SLC18A2: variants seen among roughly 807,000 people sequenced by gnomAD.
SLC18A2 encodes the protein solute carrier family 18 member A2, also known as synaptic vesicular amine transporter.
Under a neutral mutation model 59.2 loss-of-function variants are expected in SLC18A2, and 33 were observed. The observed-to-expected ratio is 0.56, with a 90% confidence interval of 0.42 to 0.75. The LOEUF is 0.75. Among genes scored for constraint, SLC18A2 ranks in the 30% least tolerant of loss-of-function variants. The pLI is 0.00. For missense variants in SLC18A2, 569 were observed against 668.6 expected (o/e 0.85, Z 1.64); for synonymous variants, 228 against 253.5 (o/e 0.90, Z 0.95).
rs1159509473 is a variant in SLC18A2, at chr10:117,241,750, G to T, written c.57G>T (p.Arg19=). 4.3e-6 allele frequency: 7 copies of T among 1,610,850 alleles called. No homozygotes were observed. The highest frequency in any genetic ancestry group is 1.7e-4 in the Middle Eastern group (1 of 5,790). ...GGCTGCAGGAGAGCCGCCGCTCGCG[G>T]AAGCTCATCCTGTTCATCGTGTTCC... ...VRWLQESRRS[R]KLILFIVFLA... is the part of the protein sequence containing the mutation. The change falls in exon 2 of 16, where the codon CGG becomes CGT. Residue 19 remains arginine, a synonymous_variant. Coordinates refer to ENST00000644641, the MANE Select transcript of SLC18A2 (RefSeq NM_003054.6).
At chr10:117,267,100 G>A in intron 12 of SLC18A2, 65 bp downstream of exon 12, 1 of 1,190,954 alleles carries the variant, frequency 8.4e-7, no homozygotes, top group Non-Finnish European at 1.2e-6. Context: ...CTTTGGGCAA[G>A]AATCACCAAG....
intron 10 of SLC18A2, 112 bp from the exon 11 acceptor site, chr10:117,266,621 C>G: frequency 1.2e-6 from 1 of 832,230 alleles, no homozygotes; most frequent in Non-Finnish European, 1.9e-6. Context: ...GTGTGGGCCC[C>G]GGGGCTTCGT....
chr10:117,258,839 T>C (rs1844259401), intron 10 of SLC18A2, among the ~76,000 whole-genome samples: 1 of 147,866 alleles, frequency 6.8e-6, no homozygotes, highest in Non-Finnish European at 1.5e-5. Flanking sequence ...CGATCTCCAC[T>C]CACTGCAACC....
chr10:117,274,548 G>A (rs892872081), intron 15 of SLC18A2, among the ~76,000 whole-genome samples: 1 of 152,188 alleles, frequency 6.6e-6, no homozygotes, highest in South Asian at 2.1e-4. Context: ...AGCCGTGCAA[G>A]GATCGAGGCC....
chr10:117,253,921 C>T, intron 4 of SLC18A2, 127 bp from the exon 5 acceptor site: 1 of 820,518 alleles, frequency 1.2e-6, no homozygotes, highest in Non-Finnish European at 2.0e-6. Context: ...TTTTACGGAA[C>T]AAAAGCACAG....
chr10:117,260,311 C>A (rs1439303275), intron 10 of SLC18A2, among the ~76,000 whole-genome samples: 1 of 152,224 alleles, frequency 6.6e-6, no homozygotes, highest in Non-Finnish European at 1.5e-5. Context: ...TGCTTTCAGC[C>A]CCACCTTCAC....
At chr10:117,267,574 G>A (rs753603075) in intron 12 of SLC18A2, 99 bp from the exon 13 acceptor site, 14 of 820,282 alleles carry the variant, frequency 1.7e-5, no homozygotes, top group Non-Finnish European at 2.7e-5. Context: ...AAGGGAACAG[G>A]CATACCACGC....
Position 117,244,248 on chromosome 10 carries a change from GTTGTTTGCC to G in SLC18A2, c.401_409del (p.Leu134_Ala136del), listed in dbSNP as rs1185202399. ...TGAATGAAAACGTGCAAGTTGGTCT[GTTGTTTGCC>G]TCGAAAGCCACCGTCCAGCTCATCA... On this transcript the variant is annotated inframe_deletion, in exon 3 of 16. Transcript: ENST00000644641. 4 of 1,614,112 alleles carry G rather than the reference GTTGTTTGCC, an allele frequency of 2.5e-6. No individual in the cohort carries two copies. The highest frequency in any genetic ancestry group is 3.4e-6 in the Non-Finnish European group (4 of 1,180,042).
chr10:117,243,806 G>A (rs1366943685), intron 2 of SLC18A2, among the ~76,000 whole-genome samples, 165 bp from the exon 3 acceptor site: 1 of 152,070 alleles, frequency 6.6e-6, no homozygotes, highest in Non-Finnish European at 1.5e-5. Context: ...GCCTGGTCTC[G>A]AACTCCTGAC....
chr10:117,260,229 T>G (rs946032930), intron 10 of SLC18A2, among the ~76,000 whole-genome samples: 1 of 152,294 alleles, frequency 6.6e-6, no homozygotes, highest in African/African-American at 2.4e-5. Context: ...CCTGCCAGGG[T>G]GAAGGCTGGA....
intron 15 of SLC18A2, among the ~76,000 whole-genome samples, chr10:117,276,098 G>C (rs1461450996): frequency 1.3e-5 from 2 of 150,500 alleles, no homozygotes; most frequent in Non-Finnish European, 3.0e-5. Flanking sequence ...TGAGCAACCT[G>C]GGCAATGTAG....
chr10:117,244,240 G>T lies in SLC18A2; in HGVS notation c.391G>T (p.Val131Phe), dbSNP rs201536110. ...DKDLLNENVQ[V>F]GLLFASKATV... is the part of the protein sequence containing the mutation. ...AGACCTCCTGAATGAAAACGTGCAA[G>T]TTGGTCTGTTGTTTGCCTCGAAAGC... Residue 131 changes from valine (V) to phenylalanine (F), a missense_variant, in exon 3 of 16, where the codon GTT becomes TTT. Val to Phe is a conservative substitution (Grantham distance 50, BLOSUM62 -1). Coordinates refer to ENST00000644641, the MANE Select transcript of SLC18A2 (RefSeq NM_003054.6). The T allele has an allele frequency of 6.2e-7, 1 of 1,614,198 alleles. No individual in the cohort carries two copies. Among genetic ancestry groups the T allele is most frequent in the Non-Finnish European group, 8.5e-7 (1 of 1,180,038 alleles).
intron 10 of SLC18A2, among the ~76,000 whole-genome samples, 167 bp downstream of exon 10, chr10:117,258,059 C>T (rs546564675): frequency 6.6e-6 from 1 of 152,294 alleles, no homozygotes; most frequent in African/African-American, 2.4e-5. Flanking sequence ...TCTGTTTGTT[C>T]TCTGGTTTAT....
chr10:117,252,720 G>C (rs999871269), intron 3 of SLC18A2, among the ~76,000 whole-genome samples: 1 of 152,168 alleles, frequency 6.6e-6, no homozygotes, highest in Non-Finnish European at 1.5e-5. Flanking sequence ...GGAGGTGGGC[G>C]GTGGTCTCTC....
At chr10:117,262,744 A>C (rs1243992724) in intron 10 of SLC18A2, among the ~76,000 whole-genome samples, 1 of 151,700 alleles carries the variant, frequency 6.6e-6, no homozygotes. Flanking sequence ...ATCATGGCTC[A>C]CTGTAGCCTC....
intron 15 of SLC18A2, among the ~76,000 whole-genome samples, chr10:117,276,833 T>A (rs1844503184): frequency 6.6e-6 from 1 of 152,094 alleles, no homozygotes; most frequent in Admixed American, 6.5e-5. Flanking sequence ...AGGATCCCCA[T>A]ACCCCAATTC....
intron 10 of SLC18A2, among the ~76,000 whole-genome samples, chr10:117,258,941 C>T (rs188316284): frequency 8.8e-4 from 134 of 152,140 alleles, no homozygotes; most frequent in African/African-American, 2.8e-3. Flanking sequence ...TAATGACACC[C>T]CCTTTTTAAA....
chr10:117,244,138 A>G lies in SLC18A2; in HGVS notation c.289A>G (p.Thr97Ala). ...CACCGGGAATGCTACCAGAGACCTGACACTTCATCAGACCGCCACACAGCA... is the reference window on the plus strand; with the variant it reads ...CACCGGGAATGCTACCAGAGACCTGGCACTTCATCAGACCGCCACACAGCA... ...MVTGNATRDL[T>A]LHQTATQHMV... is the part of the protein sequence containing the mutation. The change falls in exon 3 of 16, where the codon ACA (threonine) becomes GCA (alanine). Residue 97 changes from threonine (T) to alanine (A), a missense_variant. By Grantham distance (58) the Thr-to-Ala change is moderately conservative. Coordinates refer to ENST00000644641, the MANE Select transcript of SLC18A2 (RefSeq NM_003054.6). The G allele has an allele frequency of 6.2e-7, 1 of 1,614,196 alleles. No homozygotes were observed. Among genetic ancestry groups the G allele is most frequent in the Non-Finnish European group, 8.5e-7 (1 of 1,180,044 alleles).
At chr10:117,263,659 C>A (rs1441987639) in intron 10 of SLC18A2, among the ~76,000 whole-genome samples, 1 of 152,150 alleles carries the variant, frequency 6.6e-6, no homozygotes, top group Non-Finnish European at 1.5e-5. Flanking sequence ...TATCTGAGTT[C>A]TAGGTCAGAT....
Sources: allele counts gnomAD v4.1 joint callset (sites outside exome capture counted in the v4.1 genomes callset), GRCh38; gene constraint gnomAD v4.1.1; transcripts MANE v1.5; gene names NCBI Gene and HGNC (gene_info 2026-07-23, HGNC 2026-07-21).